The following GALNTL6 variants were observed in gnomAD, a reference collection of about 807,000 sequenced individuals.
GALNTL6 encodes polypeptide N-acetylgalactosaminyltransferase-like 6.
In GALNTL6, 46 loss-of-function variants were observed where a neutral mutation model predicts 73.7. That is an observed-to-expected ratio of 0.62 (90% CI 0.49 to 0.80). GALNTL6 has a LOEUF of 0.80. Among genes scored for constraint, GALNTL6 ranks in the 30% least tolerant of loss-of-function variants. The pLI is 0.00. For synonymous variants in GALNTL6, 259 were observed against 263.7 expected (o/e 0.98, Z 0.17); for missense variants, 604 against 755.0 (o/e 0.80, Z 2.34).
chr4:172,601,841 A>C (rs902274975), intron 5 of GALNTL6, among the ~76,000 whole-genome samples: 3 of 148,738 alleles, frequency 2.0e-5, no homozygotes, highest in African/African-American at 7.6e-5. Flanking sequence ...GAAATTTACC[A>C]AATTTAATGA....
intron 4 of GALNTL6, among the ~76,000 whole-genome samples, chr4:172,325,422 T>C (rs965263157): frequency 6.6e-6 from 1 of 151,972 alleles, no homozygotes; most frequent in Non-Finnish European, 1.5e-5. Context: ...ATGTAAAATC[T>C]AGGCAGAGTT....
chr4:172,418,969 T>C (rs562088778), intron 5 of GALNTL6, among the ~76,000 whole-genome samples: 2 of 152,252 alleles, frequency 1.3e-5, no homozygotes, highest in South Asian at 4.1e-4. Flanking sequence ...TAGGGAACTT[T>C]TTTAGTTATT....
intron 10 of GALNTL6, among the ~76,000 whole-genome samples, chr4:172,978,481 C>T (rs916432948): frequency 2.0e-5 from 3 of 152,108 alleles, no homozygotes; most frequent in Non-Finnish European, 2.9e-5. Context: ...AAAGAGACCC[C>T]GTCTCCACAG....
chr4:172,327,154 A>G (rs183667619), intron 4 of GALNTL6, among the ~76,000 whole-genome samples: 31 of 152,172 alleles, frequency 2.0e-4, no homozygotes, highest in Middle Eastern at 6.8e-3. Flanking sequence ...TTATTTTTAT[A>G]TGACCTAAAA....
intron 8 of GALNTL6, among the ~76,000 whole-genome samples, chr4:172,887,956 G>A (rs1214472431): frequency 6.6e-6 from 1 of 152,218 alleles, no homozygotes; most frequent in Non-Finnish European, 1.5e-5. Context: ...AATTGGTGAT[G>A]TTGAGCATGT....
intron 5 of GALNTL6, among the ~76,000 whole-genome samples, chr4:172,793,395 C>T (rs953866984): frequency 6.6e-6 from 1 of 152,054 alleles, no homozygotes; most frequent in Non-Finnish European, 1.5e-5. Context: ...CTTGGTAAAA[C>T]ACTAGCAATG....
chr4:172,286,360 C>T (rs767686353), intron 3 of GALNTL6, among the ~76,000 whole-genome samples: 1 of 151,962 alleles, frequency 6.6e-6, no homozygotes, highest in Non-Finnish European at 1.5e-5. Context: ...ACAGTGGCTG[C>T]TTGAAGAAAA....
chr4:172,606,715 GTATA>G (rs138021622), intron 5 of GALNTL6, among the ~76,000 whole-genome samples: 1 of 103,648 alleles, frequency 9.6e-6, no homozygotes, highest in Admixed American at 1.1e-4. Context: ...TATATATATA[GTATA>G]TATATATACT....
At chr4:172,220,823 T>C (rs999188364) in intron 2 of GALNTL6, among the ~76,000 whole-genome samples, 8 of 151,862 alleles carry the variant, frequency 5.3e-5, no homozygotes, top group African/African-American at 1.7e-4. Context: ...CTGAAAGTAG[T>C]AAAGACCTAA....
At chr4:171,945,841 T>C (rs1307129835) in intron 2 of GALNTL6, among the ~76,000 whole-genome samples, 1 of 152,146 alleles carries the variant, frequency 6.6e-6, no homozygotes, top group South Asian at 2.1e-4. Flanking sequence ...TATTCTGTTT[T>C]GGGAGGTATA....
intron 10 of GALNTL6, among the ~76,000 whole-genome samples, chr4:172,966,685 C>A (rs1421637682): frequency 6.6e-6 from 1 of 152,366 alleles, no homozygotes; most frequent in South Asian, 2.1e-4. Flanking sequence ...AGCCACCGCG[C>A]CCAGCCCAGG....
intron 4 of GALNTL6, among the ~76,000 whole-genome samples, chr4:172,328,287 G>C (rs1741011399): frequency 6.6e-6 from 1 of 152,092 alleles, no homozygotes. Flanking sequence ...CCCTTTGTAA[G>C]TGACCTGCCC....
At position 171,859,385 on chromosome 4, in the gene GALNTL6, T is replaced by A. The variant is rs181504158; in HGVS notation, c.138+44667T>A. 3.4e-4 allele frequency among the ~76,000 whole-genome samples: 52 copies of A among 152,178 alleles called. No individual in the cohort carries two copies. The East Asian group carries it at 8.1e-3, about 24-fold the overall frequency. On this transcript the variant is annotated intron_variant, in intron 2 of 12. Transcript: ENST00000506823. ...AGGCTCCCAGAATTCCTAAGAACAA[T>A]CTTCACTCATCCATGACTAACCTGA...
intron 5 of GALNTL6, among the ~76,000 whole-genome samples, chr4:172,531,097 A>G (rs1370242266): frequency 6.6e-6 from 1 of 152,212 alleles, no homozygotes; most frequent in Non-Finnish European, 1.5e-5. Context: ...AAATACTGGA[A>G]GAGCCCAGAA....
At chr4:172,587,006 C>T (rs11132951) in intron 5 of GALNTL6, among the ~76,000 whole-genome samples, 75,885 of 151,956 alleles carry the variant, frequency 0.5, 19,784 homozygotes, top group East Asian at 0.72. Flanking sequence ...GATTTTGATA[C>T]GCTACAAGGT....
chr4:172,394,451 G>C (rs1466221032), intron 5 of GALNTL6, among the ~76,000 whole-genome samples: 2 of 115,240 alleles, frequency 1.7e-5, no homozygotes, highest in African/African-American at 3.9e-5. Context: ...TTTTTTTTGA[G>C]ATGGAGTTTT....
At chr4:173,034,712 C>T (rs1357530582) in intron 12 of GALNTL6, among the ~76,000 whole-genome samples, 1 of 152,198 alleles carries the variant, frequency 6.6e-6, no homozygotes, top group Non-Finnish European at 1.5e-5. Context: ...AATGTTCACA[C>T]TGGCCCCACC....
At chr4:172,889,854 G>A (rs1745932808) in intron 8 of GALNTL6, among the ~76,000 whole-genome samples, 1 of 152,050 alleles carries the variant, frequency 6.6e-6, no homozygotes. Context: ...TTGTATGGTT[G>A]GTAAAATTTG....
In GALNTL6 at chr4:172,145,382, C is replaced by T. The variant is rs574083246; in HGVS notation, c.139-84274C>T. On this transcript the variant is annotated intron_variant, in intron 2 of 12. Coordinates refer to ENST00000506823, the MANE Select transcript of GALNTL6 (RefSeq NM_001034845.3). ...GTCTCGATCTCCTGACCTCGTGATC[C>T]GCCCGCCTTGGCCTCCCAAAGTGCT... Among the ~76,000 whole-genome samples, 18 of 152,138 alleles carry T rather than the reference C, an allele frequency of 1.2e-4. No individual in the cohort carries two copies. The South Asian group carries it at 2.9e-3, about 25-fold the overall frequency.
Sources: allele counts gnomAD v4.1 joint callset (sites outside exome capture counted in the v4.1 genomes callset), GRCh38; gene constraint gnomAD v4.1.1; transcripts MANE v1.5; gene names NCBI Gene and HGNC (gene_info 2026-07-23, HGNC 2026-07-21).